Variants in ENO3 observed in about 807,000 individuals in gnomAD.
ENO3 encodes enolase 3, also known as beta-enolase.
Under a neutral mutation model 47.7 loss-of-function variants are expected in ENO3, and 46 were observed. The observed-to-expected ratio is 0.96, with a 90% CI of 0.76 to 1.23. The LOEUF (loss-of-function observed/expected upper bound fraction) is 1.23, where lower values mean the gene tolerates loss of function less well. ENO3 is among the 50% of genes most tolerant of loss of function. ENO3 has a pLI of 0.00. For missense variants in ENO3, 575 were observed against 566.2 expected (o/e 1.02, Z -0.16); for synonymous variants, 223 against 225.9 (o/e 0.99, Z 0.11).
At chr17:4,950,849 G>A (rs899006365), upstream of ENO3, among the ~76,000 whole-genome samples, 1 of 152,226 alleles carries the variant, frequency 6.6e-6, no homozygotes, top group Non-Finnish European at 1.5e-5. Flanking sequence ...CTGGGGTGGG[G>A]GGAGACCCCT....
chr17:4,949,834 T>G (rs547700724), upstream of ENO3, among the ~76,000 whole-genome samples: 1 of 152,116 alleles, frequency 6.6e-6, no homozygotes, highest in South Asian at 2.1e-4. Flanking sequence ...CGAGTCCGTG[T>G]TCCTCGACAG....
upstream of ENO3, chr17:4,949,009 C>T (rs1359571954): frequency 6.6e-6 from 1 of 151,736 alleles, no homozygotes; most frequent in Non-Finnish European, 1.5e-5. Context: ...GCGCCGGGGC[C>T]GGGAGTGCAT....
rs1350450505 is a variant in ENO3, at chr17:4,956,143, CG to C, written c.1067+1del. On this transcript the variant is annotated splice_donor_variant, in intron 9 of 11. Coordinates refer to ENST00000519602, the MANE Select transcript of ENO3 (RefSeq NM_053013.4). LOFTEE classifies it high-confidence loss of function. ...GGCTCGGTGACCGAATCGATCCAGG[CG>C]TGAGTGCCTCCTGACCCTGAGGCTC... The C allele has an allele frequency of 6.2e-7, 1 of 1,613,856 alleles. No individual in the cohort carries two copies. The highest frequency in any genetic ancestry group is 8.5e-7 in the Non-Finnish European group (1 of 1,179,948).
upstream of ENO3, chr17:4,951,057 G>C (rs1475216268): frequency 2.0e-6 from 2 of 985,984 alleles, no homozygotes; most frequent in Non-Finnish European, 2.4e-6. Context: ...AGAAAGAGAG[G>C]CGGGGCTGGC....
upstream of ENO3, among the ~76,000 whole-genome samples, chr17:4,949,880 C>T (rs1971490389): frequency 6.6e-6 from 1 of 152,242 alleles, no homozygotes; most frequent in East Asian, 1.9e-4. Context: ...TCGGGCGGGG[C>T]CGCACCCGGG....
chr17:4,955,268 TCGCAC>T lies in ENO3; in HGVS notation c.640_644del (p.Ala214GlnfsTer7), dbSNP rs1414054411. The T allele has an allele frequency of 1.2e-6, 2 of 1,614,134 alleles. No homozygotes were observed. The highest frequency in any genetic ancestry group is 4.5e-5 in the East Asian group (2 of 44,898). ...ACCAATGTGGGTGATGAAGGTGGCTTCGCACCCAACATCCTGGAGAACAATGAGGG... is the reference window on the plus strand; with the variant it reads ...ACCAATGTGGGTGATGAAGGTGGCTTCCAACATCCTGGAGAACAATGAGGG... On this transcript the variant is annotated frameshift_variant, in exon 7 of 12. Coordinates refer to ENST00000519602, the MANE Select transcript of ENO3 (RefSeq NM_053013.4). LOFTEE classifies it high-confidence loss of function.
chr17:4,956,623 C>G lies in ENO3; in HGVS notation c.1118C>G (p.Ser373Cys). 6 of 1,614,186 alleles carry G rather than the reference C, an allele frequency of 3.7e-6. No homozygotes were observed. The highest frequency in any genetic ancestry group is 5.1e-6 in the Non-Finnish European group (6 of 1,180,030). The part of the protein sequence containing the change: ...NGWGVMVSHR[S>C]GETEDTFIAD... ...TGGGGGGTGATGGTGAGCCACCGCT[C>G]TGGGGAGACTGAGGACACATTCATT... The change falls in exon 10 of 12, where the codon TCT becomes TGT. Residue 373 changes from serine (S) to cysteine (C), a missense_variant. By Grantham distance (112) the Ser-to-Cys change is moderately radical. Coordinates refer to ENST00000519602, the MANE Select transcript of ENO3 (RefSeq NM_053013.4).
chr17:4,951,765 A>C, intron 1 of ENO3, 63 bp from the exon 2 acceptor site: 2 of 1,554,626 alleles, frequency 1.3e-6, no homozygotes, highest in Non-Finnish European at 8.9e-7. Flanking sequence ...CTTAAAGGGC[A>C]AGGGATTTCT....
At chr17:4,956,343 C>T (rs1597705526) in intron 9 of ENO3, 200 bp downstream of exon 9, 2 of 752,608 alleles carry the variant, frequency 2.7e-6, no homozygotes, top group Non-Finnish European at 2.2e-6. Flanking sequence ...TGTCATGACC[C>T]CCCACCCCCA....
At chr17:4,953,976 C>T (rs926964852) in intron 6 of ENO3, 131 bp downstream of exon 6, 6 of 1,404,524 alleles carry the variant, frequency 4.3e-6, no homozygotes, top group South Asian at 2.4e-5. Flanking sequence ...AATTGAATCT[C>T]TCCTGCTGTG....
At position 4,953,786 on chromosome 17, in the gene ENO3, C is replaced by T. The variant is rs757052988; in HGVS notation, c.385C>T (p.Pro129Ser). Residue 129 changes from proline to serine, a missense_variant, in exon 6 of 12, where the codon CCC becomes TCC. Pro to Ser is a moderately conservative substitution (Grantham distance 74). Transcript: ENST00000519602. ...CKAGAAEKGV[P>S]LYRHIADLAG... The stretch of plus-strand genomic sequence containing the variant: ...GGCGGGAGCAGCTGAGAAGGGGGTC[C>T]CCCTGTACCGCCACATCGCAGATCT... 1.9e-6 allele frequency: 3 copies of T among 1,614,050 alleles called. No individual in the cohort carries two copies. Among genetic ancestry groups the T allele is most frequent in the Non-Finnish European group, 8.5e-7 (1 of 1,180,034 alleles).
intron 2 of ENO3, 86 bp from the exon 3 acceptor site, chr17:4,952,709 G>A (rs1357757599): frequency 1.5e-6 from 2 of 1,324,950 alleles, no homozygotes; most frequent in African/African-American, 2.9e-5. Context: ...TGATCCACCT[G>A]CCTAGGCCTC....
intron 6 of ENO3, 53 bp downstream of exon 6, chr17:4,953,898 G>A (rs1033911736): frequency 2.0e-5 from 33 of 1,612,960 alleles, no homozygotes; most frequent in East Asian, 6.7e-5. Flanking sequence ...AGCCAACCCC[G>A]CCCAGCCAGG....
At position 4,956,656 on chromosome 17, in the gene ENO3, T is replaced by C. The variant is rs1202808990; in HGVS notation, c.1151T>C (p.Leu384Pro). 1 of 1,614,204 alleles carries C rather than the reference T, an allele frequency of 6.2e-7. No individual in the cohort carries two copies. The change falls in exon 10 of 12, where the codon CTT (leucine) becomes CCT (proline). Residue 384 changes from leucine (L) to proline (P), a missense_variant. Coordinates refer to ENST00000519602, the MANE Select transcript of ENO3 (RefSeq NM_053013.4). ...GETEDTFIAD[L>P]VVGLCTGQIK... Reference sequence around the variant, plus strand: ...ACTGAGGACACATTCATTGCTGACCTTGTGGTGGGGCTCTGCACAGGACAG... The same window carrying C: ...ACTGAGGACACATTCATTGCTGACCCTGTGGTGGGGCTCTGCACAGGACAG...
rs768148104 is a variant in ENO3, at chr17:4,955,916, CCTGTCTCTGCT to C, written c.866-24_866-14del. 9 of 1,609,114 alleles carry C rather than the reference CCTGTCTCTGCT, an allele frequency of 5.6e-6. No individual in the cohort carries two copies. The African/African-American group carries it at 1.2e-4, about 22-fold the overall frequency. ...TGCCCTGTCTCTGCTCTGTCTCTGC[CCTGTCTCTGCT>C]CCAAACCCCACCAGTGGTCTCCATC... On this transcript the variant is annotated splice_polypyrimidine_tract_variant and intron_variant, in intron 8 of 11. Coordinates refer to ENST00000519602, the MANE Select transcript of ENO3 (RefSeq NM_053013.4).
At chr17:4,953,443 G>A (rs764676008) in intron 5 of ENO3, 102 bp downstream of exon 5, 2 of 1,521,496 alleles carry the variant, frequency 1.3e-6, no homozygotes, top group East Asian at 2.3e-5. Context: ...CCCCATTTTG[G>A]GTCACACCGC....
Position 4,952,815 on chromosome 17 carries a change from C to T in ENO3, c.106C>T (p.Pro36Ser), listed in dbSNP as rs141245336. 13 of 1,611,092 alleles carry T rather than the reference C, an allele frequency of 8.1e-6. No individual in the cohort carries two copies. Among genetic ancestry groups the T allele is most frequent in the East Asian group, 4.5e-5 (2 of 44,860 alleles). ...CCCAGGCCGATTCCGAGCAGCTGTG[C>T]CCAGTGGGGCTTCCACGGGTATCTA... ...TAKGRFRAAV[P>S]SGASTGIYEA... The change falls in exon 3 of 12, where the codon CCC (proline) becomes TCC (serine). Residue 36 changes from proline (P) to serine (S), a missense_variant. Transcript: ENST00000519602.
chr17:4,953,307 A>C lies in ENO3; in HGVS notation c.276A>C (p.Lys92Asn), dbSNP rs756356937. The change falls in exon 5 of 12, where the codon AAA (lysine) becomes AAC (asparagine). Residue 92 changes from lysine to asparagine, a missense_variant. Physicochemically the swap from Lys to Asn is moderately conservative, Grantham distance 94 (BLOSUM62 0). Transcript: ENST00000519602. ...LSVVDQEKVDKFMIELDGTEN... is the reference protein window; with the variant it reads ...LSVVDQEKVDNFMIELDGTEN... The stretch of plus-strand genomic sequence containing the variant: ...TTGTGGATCAAGAAAAAGTTGACAA[A>C]TTTATGATTGAGCTAGATGGGACCG... The C allele has an allele frequency of 1.2e-6, 2 of 1,614,198 alleles. No individual in the cohort carries two copies. The highest frequency in any genetic ancestry group is 1.7e-6 in the Non-Finnish European group (2 of 1,180,028).
intron 1 of ENO3, 82 bp downstream of exon 1, chr17:4,951,264 C>CTGCTTTT (rs1457624893): frequency 9.9e-7 from 1 of 1,008,344 alleles, no homozygotes; most frequent in African/African-American, 1.7e-5. Context: ...GGGGACATTT[C>CTGCTTTT]TGCTTTTTTT....
Sources: gnomAD v4.1 joint callset for allele counts (sites outside exome capture counted in the v4.1 genomes callset) on GRCh38, gnomAD v4.1.1 for gene constraint, MANE v1.5 for transcripts, NCBI Gene and HGNC (gene_info 2026-07-23, HGNC 2026-07-21) for gene names.